HSD17B2: variants seen among roughly 807,000 people sequenced by gnomAD.
HSD17B2 encodes the protein 17-beta-hydroxysteroid dehydrogenase type 2.
Under a neutral mutation model 26.9 loss-of-function variants are expected in HSD17B2, and 32 were observed. The observed-to-expected ratio is 1.19, with a 90% CI of 0.90 to 1.60. HSD17B2 has a LOEUF of 1.60. Ranked by LOEUF, HSD17B2 falls within the 40% of genes most tolerant of loss-of-function variation. The pLI, the probability that HSD17B2 is intolerant of heterozygous loss-of-function variation, is 0.00. For synonymous variants in HSD17B2, 246 were observed against 186.7 expected, an observed-to-expected ratio of 1.32 and a Z score of -2.59; for missense variants, 613 against 468.6, an observed-to-expected ratio of 1.31 and a Z score of -2.85.
chr16:82,069,572 T>C (rs1190202723), intron 2 of HSD17B2, among the ~76,000 whole-genome samples: 1 of 152,212 alleles, frequency 6.6e-6, no homozygotes, highest in Non-Finnish European at 1.5e-5. Flanking sequence ...TTCTCCTGGA[T>C]GAAACTTTGC....
At chr16:82,058,367 A>C (rs998436965) in intron 1 of HSD17B2, among the ~76,000 whole-genome samples, 3 of 152,180 alleles carry the variant, frequency 2.0e-5, no homozygotes, top group African/African-American at 7.2e-5. Context: ...TACCGCACCC[A>C]GCCATAAGAT....
intron 3 of HSD17B2, among the ~76,000 whole-genome samples, chr16:82,085,903 C>G (rs999218853): frequency 6.6e-6 from 1 of 151,504 alleles, no homozygotes; most frequent in African/African-American, 2.4e-5. Context: ...CTAAAATGGC[C>G]GTAATGAAAA....
rs559746067 is a variant in HSD17B2, at chr16:82,082,706, G to T, written c.665-8196G>T. Among the ~76,000 whole-genome samples, 29 of 152,270 alleles carry T rather than the reference G, an allele frequency of 1.9e-4. 1 individual carries two copies. In the East Asian group the frequency reaches 5.4e-3, roughly 28 times the overall value. On this transcript the variant is annotated intron_variant, in intron 3 of 4. Coordinates refer to ENST00000199936, the MANE Select transcript of HSD17B2 (RefSeq NM_002153.3). ...CAGTTGTGACCATTAAATACATTCA[G>T]AGCTGATGTTAAAACGCTCAGAACA...
chr16:82,057,792 T>C (rs73603064), intron 1 of HSD17B2, among the ~76,000 whole-genome samples: 3,545 of 152,228 alleles, frequency 0.023, 111 homozygotes, highest in South Asian at 0.073. Flanking sequence ...AGAGAGGCGT[T>C]CTACAAAATC....
intron 1 of HSD17B2, among the ~76,000 whole-genome samples, chr16:82,059,605 G>C (rs1020152477): frequency 2.0e-5 from 3 of 152,148 alleles, no homozygotes; most frequent in African/African-American, 7.2e-5. Flanking sequence ...GGGAGTATTT[G>C]TCTTCTGTGG....
chr16:82,047,766 G>T (rs1180910165), intron 1 of HSD17B2, among the ~76,000 whole-genome samples: 1 of 152,176 alleles, frequency 6.6e-6, no homozygotes, highest in Non-Finnish European at 1.5e-5. Context: ...CTCATCATAT[G>T]CCCTTTCTGA....
intron 3 of HSD17B2, among the ~76,000 whole-genome samples, chr16:82,084,938 G>A (rs1464243423): frequency 3.9e-5 from 6 of 152,130 alleles, no homozygotes; most frequent in African/African-American, 1.2e-4. Flanking sequence ...TGCCTAGGAC[G>A]GTCTTGAACT....
intron 1 of HSD17B2, among the ~76,000 whole-genome samples, chr16:82,057,204 C>CTTTTCT (rs1914294971): frequency 7.0e-6 from 1 of 143,862 alleles, no homozygotes; most frequent in Non-Finnish European, 1.5e-5. Flanking sequence ...CTTTTCTTTT[C>CTTTTCT]TTTTTTTTTT....
intron 3 of HSD17B2, among the ~76,000 whole-genome samples, chr16:82,081,423 C>T (rs1204838394): frequency 1.3e-5 from 2 of 152,128 alleles, no homozygotes; most frequent in Non-Finnish European, 2.9e-5. Context: ...AAGGATGATT[C>T]CTCCCCAGAC....
In HSD17B2 at chr16:82,059,597, G is replaced by A. The variant is rs1914374724; in HGVS notation, c.266-8573G>A. Among the ~76,000 whole-genome samples the A allele has an allele frequency of 2.6e-5, 4 of 152,286 alleles. No homozygotes were observed. In the South Asian group the frequency reaches 8.3e-4, roughly 32 times the overall value. ...AATCAGTATGCGTCATGAAGCCAGG[G>A]AGTATTTGTCTTCTGTGGGTGGGTG... On this transcript the variant is annotated intron_variant, in intron 1 of 4. Coordinates refer to ENST00000199936, the MANE Select transcript of HSD17B2 (RefSeq NM_002153.3).
At chr16:82,070,458 A>G (rs914425095) in intron 2 of HSD17B2, among the ~76,000 whole-genome samples, 1 of 152,152 alleles carries the variant, frequency 6.6e-6, no homozygotes, top group Non-Finnish European at 1.5e-5. Context: ...ACTCATCTTC[A>G]CAGCATTCAC....
chr16:82,077,791 G>C lies in HSD17B2; in HGVS notation c.664+6664G>C, dbSNP rs530132723. ...AGAAAGAAAGGAAGGAAGGAAGAAA[G>C]GAAGAAAAGAAAAGAAAAGAAAAGA... On this transcript the variant is annotated intron_variant, in intron 3 of 4. Transcript: ENST00000199936. Among the ~76,000 whole-genome samples, 107 of 149,734 alleles carry C rather than the reference G, an allele frequency of 7.1e-4. 2 individuals carry two copies. The South Asian group carries it at 0.02, about 28-fold the overall frequency.
chr16:82,039,138 G>T (rs967035480), intron 1 of HSD17B2, among the ~76,000 whole-genome samples: 3 of 152,020 alleles, frequency 2.0e-5, no homozygotes, highest in Non-Finnish European at 4.4e-5. Flanking sequence ...TGGGGGAATA[G>T]CATCTTATTT....
At chr16:82,078,621 G>C (rs796782134) in intron 3 of HSD17B2, among the ~76,000 whole-genome samples, 4 of 152,290 alleles carry the variant, frequency 2.6e-5, no homozygotes, top group African/African-American at 9.6e-5. Flanking sequence ...TAACCTAAGT[G>C]TCCATCAACA....
chr16:82,053,219 G>A (rs1914161550), intron 1 of HSD17B2, among the ~76,000 whole-genome samples: 1 of 152,152 alleles, frequency 6.6e-6, no homozygotes, highest in Non-Finnish European at 1.5e-5. Flanking sequence ...GAAGTCAACA[G>A]AAGGAGCCCA....
At chr16:82,064,152 C>G (rs574622565) in intron 1 of HSD17B2, among the ~76,000 whole-genome samples, 37 of 152,346 alleles carry the variant, frequency 2.4e-4, no homozygotes, top group African/African-American at 8.4e-4. Context: ...CTAAGAGAGT[C>G]AGATCCTAGG....
chr16:82,094,075 C>T (rs1433594317), intron 4 of HSD17B2: 1 of 152,226 alleles, frequency 6.6e-6, no homozygotes, highest in African/African-American at 2.4e-5. Flanking sequence ...TTTTGGCTGG[C>T]TGCTTTACCA....
At chr16:82,087,454 A>C (rs1175494741) in intron 3 of HSD17B2, among the ~76,000 whole-genome samples, 1 of 152,184 alleles carries the variant, frequency 6.6e-6, no homozygotes, top group Non-Finnish European at 1.5e-5. Context: ...CTTAAACATT[A>C]ACGGCAAGAT....
intron 3 of HSD17B2, among the ~76,000 whole-genome samples, chr16:82,079,168 C>A (rs1294810644): frequency 1.3e-5 from 2 of 151,852 alleles, no homozygotes; most frequent in Non-Finnish European, 2.9e-5. Context: ...TATGTTCCCA[C>A]AAAATATTAA....
Sources: gnomAD v4.1 joint callset for allele counts (sites outside exome capture counted in the v4.1 genomes callset) on GRCh38, gnomAD v4.1.1 for gene constraint, MANE v1.5 for transcripts, NCBI Gene and HGNC (gene_info 2026-07-23, HGNC 2026-07-21) for gene names.